The following SPTBN1 variants were observed in gnomAD, a reference collection of about 807,000 sequenced individuals.
SPTBN1 encodes spectrin beta, non-erythrocytic 1.
In SPTBN1, 32 loss-of-function variants were observed where a neutral mutation model predicts 266.4. The observed-to-expected ratio is 0.12, with a 90% CI of 0.09 to 0.16. The LOEUF (loss-of-function observed/expected upper bound fraction) is 0.16, where lower values mean the gene tolerates loss of function less well. Ranked by LOEUF, SPTBN1 falls within the 10% of genes least tolerant of loss-of-function variation. The pLI is 1.00. For missense variants in SPTBN1, 2,296 were observed against 3,067.1 expected, an observed-to-expected ratio of 0.75 and a Z score of 5.94; for synonymous variants, 1,336 against 1,162.2, an observed-to-expected ratio of 1.15 and a Z score of -3.04.
intron 1 of SPTBN1, among the ~76,000 whole-genome samples, chr2:54,522,632 AAAAGAAAG>A (rs751437585): frequency 3.2e-5 from 3 of 93,664 alleles, no homozygotes; most frequent in Non-Finnish European, 6.9e-5. Context: ...CTCTGTCTCA[AAAAGAAAG>A]AAAGAAAGAG....
chr2:54,596,452 G>T (rs904808984), intron 2 of SPTBN1, among the ~76,000 whole-genome samples: 2 of 152,190 alleles, frequency 1.3e-5, no homozygotes, highest in African/African-American at 2.4e-5. Flanking sequence ...GTGTGTCTCT[G>T]TTGAGTCCGT....
chr2:54,544,733 A>G (rs1672136139), intron 2 of SPTBN1, among the ~76,000 whole-genome samples: 1 of 152,362 alleles, frequency 6.6e-6, no homozygotes, highest in South Asian at 2.1e-4. Flanking sequence ...TAGGCTATAC[A>G]AACTTGAACA....
chr2:54,549,946 G>A (rs1672470202), intron 2 of SPTBN1, among the ~76,000 whole-genome samples: 1 of 152,184 alleles, frequency 6.6e-6, no homozygotes, highest in African/African-American at 2.4e-5. Flanking sequence ...ACAGTATCTG[G>A]TCTTTGCCCA....
At chr2:54,560,143 C>G (rs1450171642) in intron 2 of SPTBN1, among the ~76,000 whole-genome samples, 1 of 142,922 alleles carries the variant, frequency 7.0e-6, no homozygotes, top group Non-Finnish European at 1.5e-5. Flanking sequence ...TTTTTGAAAA[C>G]TTAAGCTGGG....
At chr2:54,593,315 A>G (rs1052172553) in intron 2 of SPTBN1, among the ~76,000 whole-genome samples, 1 of 152,230 alleles carries the variant, frequency 6.6e-6, no homozygotes, top group East Asian at 1.9e-4. Context: ...TTTTGAGACC[A>G]TTGTTAGGAG....
intron 1 of SPTBN1, chr2:54,457,125 T>G (rs1573185399): frequency 1.7e-5 from 2 of 118,118 alleles, no homozygotes; most frequent in African/African-American, 6.6e-5. Flanking sequence ...CTCCGCCCCA[T>G]CCCTGCGCTT....
intron 1 of SPTBN1, among the ~76,000 whole-genome samples, chr2:54,509,365 G>A (rs1669736189): frequency 1.3e-5 from 2 of 152,182 alleles, no homozygotes; most frequent in Non-Finnish European, 2.9e-5. Flanking sequence ...AAGGAGCCGG[G>A]GAGCAGAAAG....
chr2:54,524,884 C>G (rs548834985), intron 1 of SPTBN1, among the ~76,000 whole-genome samples: 7 of 152,204 alleles, frequency 4.6e-5, no homozygotes, highest in Non-Finnish European at 1.0e-4. Flanking sequence ...TTCTCAGTTT[C>G]AGGACCCACT....
intron 3 of SPTBN1, among the ~76,000 whole-genome samples, chr2:54,600,941 A>G (rs1676460557): frequency 6.6e-6 from 1 of 152,088 alleles, no homozygotes; most frequent in African/African-American, 2.4e-5. Flanking sequence ...TGTCCTTGAT[A>G]ATGTCCACAT....
At chr2:54,652,003 A>C in intron 26 of SPTBN1, among the ~76,000 whole-genome samples, 1 of 151,136 alleles carries the variant, frequency 6.6e-6, no homozygotes, top group South Asian at 2.1e-4. Flanking sequence ...TGCTGTCCGT[A>C]CCCCCCCGCC....
At chr2:54,522,399 A>G (rs4990319) in intron 1 of SPTBN1, among the ~76,000 whole-genome samples, 120,807 of 151,686 alleles carry the variant, frequency 0.8, 48,567 homozygotes, top group African/African-American at 0.92. Context: ...GTGAGGCCAA[A>G]GCAAGCAGAT....
In SPTBN1 at chr2:54,490,274, G is replaced by T. The variant is rs556166021; in HGVS notation, c.-48+33756G>T. Among the ~76,000 whole-genome samples, 4 of 152,218 alleles carry T rather than the reference G, an allele frequency of 2.6e-5. No individual in the cohort carries two copies. The East Asian group carries it at 5.8e-4, about 22-fold the overall frequency. Reference sequence around the variant, plus strand: ...TTTAGTAGAGACAGGGTTTCACCATGTTGGCCAGGCTGGTCTTGAACTCCT... The same window carrying T: ...TTTAGTAGAGACAGGGTTTCACCATTTTGGCCAGGCTGGTCTTGAACTCCT... On this transcript the variant is annotated intron_variant, in intron 1 of 35. Coordinates refer to ENST00000356805, the MANE Select transcript of SPTBN1 (RefSeq NM_003128.3).
Position 54,632,721 on chromosome 2 carries a change from C to T in SPTBN1, c.3720C>T (p.Asn1240=). 1 of 1,614,218 alleles carries T rather than the reference C, an allele frequency of 6.2e-7. No individual in the cohort carries two copies. The highest frequency in any genetic ancestry group is 8.5e-7 in the Non-Finnish European group (1 of 1,180,034). ...GCCGGAGGCTGGTGAGCGATGGGAACATCAACTCAGATCGCATCCAGGAGA... is the reference window on the plus strand; with the variant it reads ...GCCGGAGGCTGGTGAGCGATGGGAATATCAACTCAGATCGCATCCAGGAGA... ...ETGRRLVSDG[N]INSDRIQEKV... Residue 1240 remains asparagine (N), a synonymous_variant, in exon 17 of 36, where the codon AAC becomes AAT. Coordinates refer to ENST00000356805, the MANE Select transcript of SPTBN1 (RefSeq NM_003128.3).
At chr2:54,485,645 G>T (rs1342351688) in intron 1 of SPTBN1, among the ~76,000 whole-genome samples, 2 of 152,022 alleles carry the variant, frequency 1.3e-5, no homozygotes, top group Non-Finnish European at 2.9e-5. Context: ...TCTCTGCCTG[G>T]TCGCCCATCG....
chr2:54,519,629 C>T (rs555538349), intron 1 of SPTBN1, among the ~76,000 whole-genome samples: 17 of 152,196 alleles, frequency 1.1e-4, no homozygotes, highest in Admixed American at 1.1e-3. Flanking sequence ...ATCTCATTTT[C>T]TCTCCTAAGG....
At chr2:54,573,029 A>T (rs1573444132) in intron 2 of SPTBN1, among the ~76,000 whole-genome samples, 1 of 152,194 alleles carries the variant, frequency 6.6e-6, no homozygotes, top group African/African-American at 2.4e-5. Context: ...CCAGATACTC[A>T]TCTCAGCCAT....
chr2:54,659,170 T>C lies in SPTBN1; in HGVS notation c.6260T>C (p.Val2087Ala). The change falls in exon 31 of 36, where the codon GTG becomes GCG. Residue 2087 changes from valine to alanine, a missense_variant. By Grantham distance (64) the Val-to-Ala change is moderately conservative. Around this residue, in one of 12 missense-constraint regions of SPTBN1, gnomAD observed 347 missense variants for 368.5 expected, o/e 0.94. Coordinates refer to ENST00000356805, the MANE Select transcript of SPTBN1 (RefSeq NM_003128.3). The part of the protein sequence containing the change: ...ERLTTLELLE[V>A]RRQQEEEERK... ...TTCTCTTAGTTGGAGTTACTGGAAG[T>C]GCGCAGACAGCAAGAGGAAGAGGAG... 1 of 1,614,022 alleles carries C rather than the reference T, an allele frequency of 6.2e-7. No homozygotes were observed. The highest frequency in any genetic ancestry group is 8.5e-7 in the Non-Finnish European group (1 of 1,179,958).
At chr2:54,589,088 A>C (rs1675494254) in intron 2 of SPTBN1, among the ~76,000 whole-genome samples, 1 of 151,956 alleles carries the variant, frequency 6.6e-6, no homozygotes, top group African/African-American at 2.4e-5. Flanking sequence ...ATCCAATTAT[A>C]CTCTTAGTTA....
intron 2 of SPTBN1, 75 bp downstream of exon 2, chr2:54,526,641 TC>T (rs1670834312): frequency 1.3e-6 from 2 of 1,510,912 alleles, no homozygotes; most frequent in African/African-American, 2.8e-5. Context: ...TCCACCCTGT[TC>T]CCATGACGCT....
Sources: allele counts gnomAD v4.1 joint callset (sites outside exome capture counted in the v4.1 genomes callset), GRCh38; gene constraint gnomAD v4.1.1; regional missense constraint gnomAD v4.1.1; transcripts MANE v1.5; gene names NCBI Gene and HGNC (gene_info 2026-07-23, HGNC 2026-07-21).